DPT: variants seen among roughly 807,000 people sequenced by gnomAD.
The protein encoded by DPT is dermatopontin.
A neutral mutation model predicts 31.2 loss-of-function variants in DPT; 21 were observed. That is an observed-to-expected ratio of 0.67 (90% CI 0.48 to 0.97). The LOEUF (loss-of-function observed/expected upper bound fraction) is 0.97, where lower values mean the gene tolerates loss of function less well. Ranked by LOEUF, DPT falls within the 50% of genes least tolerant of loss-of-function variation. The probability of loss-of-function intolerance (pLI) is 0.00; values close to 1 mark genes in which losing one functional copy is unlikely to be tolerated. For missense variants in DPT, 262 were observed against 258.8 expected (o/e 1.01, Z -0.08); for synonymous variants, 91 against 86.9 (o/e 1.05, Z -0.26).
chr1:168,722,418 T>G (rs1650138812), intron 1 of DPT, among the ~76,000 whole-genome samples: 1 of 152,230 alleles, frequency 6.6e-6, no homozygotes, highest in African/African-American at 2.4e-5. Flanking sequence ...GATACTTGTC[T>G]CCATGAGTCT....
intron 1 of DPT, among the ~76,000 whole-genome samples, chr1:168,714,573 C>T (rs1649936011): frequency 6.6e-6 from 1 of 152,176 alleles, no homozygotes; most frequent in Admixed American, 6.5e-5. Flanking sequence ...TTAGGGAACA[C>T]TGCCCCTGTC....
At chr1:168,699,288 C>G (rs934083856) in intron 3 of DPT, among the ~76,000 whole-genome samples, 5 of 152,134 alleles carry the variant, frequency 3.3e-5, no homozygotes, top group Admixed American at 6.5e-5. Flanking sequence ...AAATGACAAC[C>G]CATGTTCTTT....
intron 1 of DPT, among the ~76,000 whole-genome samples, chr1:168,721,420 G>T (rs1650111669): frequency 6.6e-6 from 1 of 152,196 alleles, no homozygotes; most frequent in Admixed American, 6.5e-5. Flanking sequence ...GGCAGGGGAA[G>T]TCATAGTTAT....
chr1:168,724,301 C>T (rs910308825), intron 1 of DPT, among the ~76,000 whole-genome samples: 1 of 152,298 alleles, frequency 6.6e-6, no homozygotes, highest in Middle Eastern at 3.4e-3. Context: ...CTACTATAGA[C>T]ACTGGAATAT....
chr1:168,705,242 T>A (rs1205311306), intron 2 of DPT, among the ~76,000 whole-genome samples: 1 of 152,228 alleles, frequency 6.6e-6, no homozygotes, highest in Non-Finnish European at 1.5e-5. Context: ...TCTATGAAAG[T>A]CAAACTTCAT....
rs370379010 is a variant in DPT at position 168,701,063 on chromosome 1, C to A, written c.493G>T (p.Asp165Tyr). The change falls in exon 3 of 4, where the codon GAT becomes TAT. Residue 165 changes from aspartate to tyrosine, a missense_variant. Transcript: ENST00000367817. ...EEMDMISYNY[D>Y]YYIRGATTTF... ...GTTGTTGCTCCTCGGATATAGTAAT[C>A]ATAATTGTAGGAAATCATGTCCATT... The A allele has an allele frequency of 3.1e-6, 5 of 1,613,974 alleles. No homozygotes were observed. The highest frequency in any genetic ancestry group is 1.6e-4 in the Middle Eastern group (1 of 6,062).
chr1:168,695,723 C>G lies in DPT; in HGVS notation c.*826G>C, dbSNP rs1235756010. On this transcript the variant is annotated 3_prime_UTR_variant, in exon 4 of 4. Transcript: ENST00000367817. ...GGAATCGTGGGCAGGCTTCTAGGTG[C>G]CAGTGACTCAAACTCCTTTTTCCAC... The G allele has an allele frequency of 6.6e-6, 1 of 152,604 alleles. No individual in the cohort carries two copies. The highest frequency in any genetic ancestry group is 1.5e-5 in the Non-Finnish European group (1 of 68,322). 9.5% of individuals were successfully genotyped at this position (152,604 alleles called of 1,614,324 possible).
At chr1:168,718,206 C>G (rs1306177728) in intron 1 of DPT, among the ~76,000 whole-genome samples, 2 of 152,246 alleles carry the variant, frequency 1.3e-5, no homozygotes, top group Non-Finnish European at 2.9e-5. Flanking sequence ...GGGGACAGAG[C>G]TCCCATGGGG....
intron 1 of DPT, among the ~76,000 whole-genome samples, chr1:168,721,988 C>T (rs748897122): frequency 2.6e-5 from 4 of 152,162 alleles, no homozygotes; most frequent in Non-Finnish European, 5.9e-5. Flanking sequence ...GATAGAAAGA[C>T]CTAGCACAGG....
intron 1 of DPT, among the ~76,000 whole-genome samples, chr1:168,725,330 C>G (rs1185960721): frequency 6.7e-6 from 1 of 150,250 alleles, no homozygotes; most frequent in African/African-American, 2.5e-5. Flanking sequence ...CCTTCCTTCT[C>G]TCTCTCTCTT....
At chr1:168,724,559 A>G (rs1572633598) in intron 1 of DPT, among the ~76,000 whole-genome samples, 1 of 152,214 alleles carries the variant, frequency 6.6e-6, no homozygotes, top group Non-Finnish European at 1.5e-5. Context: ...ACAAATGCCA[A>G]TCAGGTAGTG....
chr1:168,710,051 T>C (rs1170274262), intron 2 of DPT, among the ~76,000 whole-genome samples: 1 of 152,170 alleles, frequency 6.6e-6, no homozygotes, highest in Non-Finnish European at 1.5e-5. Context: ...ATCCTGGAGA[T>C]GTTGAAAAAA....
intron 1 of DPT, among the ~76,000 whole-genome samples, chr1:168,718,683 C>T (rs1052653261): frequency 3.3e-5 from 5 of 152,166 alleles, no homozygotes; most frequent in Admixed American, 6.5e-5. Context: ...GGGCGGGTTT[C>T]GTGCCCTCTA....
At chr1:168,702,907 C>T (rs887768096) in intron 2 of DPT, among the ~76,000 whole-genome samples, 3 of 152,138 alleles carry the variant, frequency 2.0e-5, no homozygotes, top group Non-Finnish European at 2.9e-5. Context: ...CCACTGCGCC[C>T]AGCATGGTAA....
intron 1 of DPT, among the ~76,000 whole-genome samples, chr1:168,721,445 TA>T (rs1650112038): frequency 6.6e-6 from 1 of 152,202 alleles, no homozygotes; most frequent in Non-Finnish European, 1.5e-5. Context: ...ACCATGATGA[TA>T]AAAGTACCTG....
chr1:168,698,277 G>A (rs1649508853), intron 3 of DPT, among the ~76,000 whole-genome samples: 1 of 152,156 alleles, frequency 6.6e-6, no homozygotes, highest in African/African-American at 2.4e-5. Context: ...AAATCTGGGT[G>A]ATCAACTTGA....
rs562173060 is a variant in DPT, at chr1:168,709,531, C to T, written c.431+4690G>A. Among the ~76,000 whole-genome samples, 3 of 152,310 alleles carry T rather than the reference C, an allele frequency of 2.0e-5. No individual in the cohort carries two copies. In the East Asian group the frequency reaches 5.8e-4, roughly 29 times the overall value. On this transcript the variant is annotated intron_variant, in intron 2 of 3. Coordinates refer to ENST00000367817, the MANE Select transcript of DPT (RefSeq NM_001937.5). Reference sequence around the variant, plus strand: ...GCACAAGCTGAAACGAGAGCAGCACCTTGGTTCCCACCAAACAAATAAATC... The same window carrying T: ...GCACAAGCTGAAACGAGAGCAGCACTTTGGTTCCCACCAAACAAATAAATC...
chr1:168,696,683 G>A (rs1649474295), intron 3 of DPT, 68 bp from the exon 4 acceptor site: 5 of 1,363,736 alleles, frequency 3.7e-6, no homozygotes, highest in Non-Finnish European at 3.1e-6. Context: ...TCGCTGCTGG[G>A]GAAACAGCAG....
chr1:168,701,015 A>C lies in DPT; in HGVS notation c.539+2T>G. ...CCATTGGGAAGGGGCTGTCTTTCTC[A>C]CCTTTCCACTGCAGAGAAAGTGGTT... is the stretch of plus-strand genomic sequence containing the variant. On this transcript the variant is annotated splice_donor_variant, in intron 3 of 3. Coordinates refer to ENST00000367817, the MANE Select transcript of DPT (RefSeq NM_001937.5). LOFTEE classifies it high-confidence loss of function. 2 of 1,610,154 alleles carry C rather than the reference A, an allele frequency of 1.2e-6. No individual in the cohort carries two copies. Among genetic ancestry groups the C allele is most frequent in the Non-Finnish European group, 1.7e-6 (2 of 1,176,716 alleles).
Sources: allele counts gnomAD v4.1 joint callset (sites outside exome capture counted in the v4.1 genomes callset), GRCh38; gene constraint gnomAD v4.1.1; transcripts MANE v1.5; gene names NCBI Gene and HGNC (gene_info 2026-07-23, HGNC 2026-07-21).